Variants in SUMF1 observed in about 807,000 individuals in gnomAD.
SUMF1 encodes the protein sulfatase modifying factor 1.
A neutral mutation model predicts 47.6 loss-of-function variants in SUMF1; 48 were observed. That is an observed-to-expected ratio of 1.01 (90% CI 0.80 to 1.28). The LOEUF is 1.28. SUMF1 is among the 50% of genes most tolerant of loss of function. The probability of loss-of-function intolerance (pLI) is 0.00; values close to 1 mark genes in which losing one functional copy is unlikely to be tolerated. For missense variants in SUMF1, 571 were observed against 485.4 expected, an observed-to-expected ratio of 1.18 and a Z score of -1.66; for synonymous variants, 230 against 192.1, an observed-to-expected ratio of 1.20 and a Z score of -1.63.
At chr3:4,149,723 A>G (rs1450615349) in intron 8 of SUMF1, among the ~76,000 whole-genome samples, 1 of 152,164 alleles carries the variant, frequency 6.6e-6, no homozygotes, top group African/African-American at 2.4e-5. Context: ...TGATATTGCA[A>G]TTTGGGGTGA....
At chr3:4,056,590 T>G (rs367807241) in intron 9 of SUMF1, among the ~76,000 whole-genome samples, 48 of 152,060 alleles carry the variant, frequency 3.2e-4, no homozygotes, top group African/African-American at 1.1e-3. Flanking sequence ...CCTAAACTGT[T>G]TGAAGTTACA....
intron 8 of SUMF1, among the ~76,000 whole-genome samples, chr3:4,263,615 C>G (rs1295008126): frequency 6.6e-6 from 1 of 152,112 alleles, no homozygotes; most frequent in Admixed American, 6.6e-5. Flanking sequence ...CTTCTTTCAC[C>G]CAGTTCACTG....
At chr3:4,112,922 T>C (rs553969195) in intron 8 of SUMF1, among the ~76,000 whole-genome samples, 1 of 152,222 alleles carries the variant, frequency 6.6e-6, no homozygotes, top group Admixed American at 6.5e-5. Context: ...GTCAATCAAA[T>C]ACTGAATGCC....
chr3:4,187,260 T>G (rs1695219632), intron 8 of SUMF1, among the ~76,000 whole-genome samples: 2 of 152,086 alleles, frequency 1.3e-5, no homozygotes, highest in South Asian at 4.1e-4. Flanking sequence ...TCCCAGCTAC[T>G]CAGGAGGCAA....
intron 8 of SUMF1, among the ~76,000 whole-genome samples, chr3:4,253,333 C>T (rs1360966692): frequency 1.3e-5 from 2 of 152,196 alleles, no homozygotes; most frequent in African/African-American, 2.4e-5. Context: ...GTGATTTCTG[C>T]ATTTCCATCT....
At chr3:4,148,704 T>C (rs1211860017) in intron 8 of SUMF1, among the ~76,000 whole-genome samples, 1 of 152,138 alleles carries the variant, frequency 6.6e-6, no homozygotes, top group Non-Finnish European at 1.5e-5. Flanking sequence ...TGAAATTTTC[T>C]TTACAAAAAC....
intron 8 of SUMF1, among the ~76,000 whole-genome samples, chr3:4,368,058 A>C (rs377421564): frequency 0.011 from 1,743 of 152,180 alleles, 20 homozygotes; most frequent in South Asian, 0.025. Flanking sequence ...CAACCTACAA[A>C]ATGGGAGAAA....
chr3:4,458,154 A>G (rs1321631279), intron 1 of SUMF1, among the ~76,000 whole-genome samples: 2 of 152,232 alleles, frequency 1.3e-5, no homozygotes, highest in East Asian at 3.8e-4. Context: ...AATTACCAGG[A>G]AAATGCAAAT....
At chr3:4,264,411 G>A (rs113346959) in intron 8 of SUMF1, among the ~76,000 whole-genome samples, 179 of 152,270 alleles carry the variant, frequency 1.2e-3, no homozygotes, top group African/African-American at 3.9e-3. Context: ...CTTTCTCACC[G>A]TCAAGTATCA....
chr3:4,394,654 C>T, intron 7 of SUMF1, among the ~76,000 whole-genome samples: 1 of 152,190 alleles, frequency 6.6e-6, no homozygotes, highest in East Asian at 1.9e-4. Flanking sequence ...CTACAGAAGA[C>T]ATTTACTAAG....
chr3:4,445,531 G>A (rs1249657266), intron 3 of SUMF1, among the ~76,000 whole-genome samples: 1 of 150,096 alleles, frequency 6.7e-6, no homozygotes, highest in African/African-American at 2.4e-5. Context: ...TAGAGATGGG[G>A]TCTCTCTCTC....
Position 4,417,085 on chromosome 3 carries a change from T to C in SUMF1, c.840+43A>G, listed in dbSNP as rs762680657. The C allele has an allele frequency of 4.4e-6, 7 of 1,588,420 alleles. No homozygotes were observed. In the Admixed American group the frequency reaches 8.3e-5, roughly 19 times the overall value. ...ACCCCATGTCTACTGGGAGCCTCAG[T>C]TCTCAGCAGCTGCCACCCTCCTGCA... On this transcript the variant is annotated intron_variant, in intron 6 of 8. Coordinates refer to ENST00000272902, the MANE Select transcript of SUMF1 (RefSeq NM_182760.4).
At chr3:4,203,745 G>A (rs1695590415) in intron 8 of SUMF1, among the ~76,000 whole-genome samples, 1 of 150,816 alleles carries the variant, frequency 6.6e-6, no homozygotes, top group Non-Finnish European at 1.5e-5. Context: ...TTCATTTTTA[G>A]TATATCTGTT....
intron 9 of SUMF1, among the ~76,000 whole-genome samples, chr3:4,043,539 C>G (rs891560998): frequency 6.6e-6 from 1 of 152,126 alleles, no homozygotes; most frequent in Non-Finnish European, 1.5e-5. Context: ...AGCCACCCCC[C>G]ATTCCTCTCC....
chr3:4,384,122 A>G (rs899016573), intron 7 of SUMF1, among the ~76,000 whole-genome samples: 13 of 152,190 alleles, frequency 8.5e-5, no homozygotes, highest in Admixed American at 6.5e-5. Flanking sequence ...CTGTGTATCT[A>G]TCTGAGGTAT....
At chr3:4,146,827 G>T (rs1311840651) in intron 8 of SUMF1, among the ~76,000 whole-genome samples, 3 of 151,964 alleles carry the variant, frequency 2.0e-5, no homozygotes, top group Middle Eastern at 3.4e-3. Flanking sequence ...GAGAATGATG[G>T]TTTCCAGATT....
intron 9 of SUMF1, among the ~76,000 whole-genome samples, chr3:4,066,292 A>C (rs111606090): frequency 1.3e-5 from 2 of 152,126 alleles, no homozygotes; most frequent in Non-Finnish European, 2.9e-5. Context: ...CAACCACCAA[A>C]AGATGGTTTT....
intron 8 of SUMF1, among the ~76,000 whole-genome samples, chr3:4,268,317 A>G: frequency 6.6e-6 from 1 of 152,014 alleles, no homozygotes. Flanking sequence ...TAGCATTGGG[A>G]GATATACCTA....
At chr3:4,377,559 G>A (rs1430662171) in intron 7 of SUMF1, among the ~76,000 whole-genome samples, 1 of 152,114 alleles carries the variant, frequency 6.6e-6, no homozygotes, top group Non-Finnish European at 1.5e-5. Flanking sequence ...CTTAAAAGGA[G>A]GCAAGGAAGA....
Sources: allele counts gnomAD v4.1 joint callset (sites outside exome capture counted in the v4.1 genomes callset), GRCh38; gene constraint gnomAD v4.1.1; transcripts MANE v1.5; gene names NCBI Gene and HGNC (gene_info 2026-07-23, HGNC 2026-07-21).